The following CGNL1 variants were observed in gnomAD, a reference collection of about 807,000 sequenced individuals.
CGNL1 encodes cingulin-like protein 1.
A neutral mutation model predicts 141.2 loss-of-function variants in CGNL1; 132 were observed. The observed-to-expected ratio is 0.93, with a 90% confidence interval of 0.81 to 1.08. The LOEUF is 1.08. Ranked by LOEUF, CGNL1 falls within the 50% of genes least tolerant of loss-of-function variation. CGNL1 has a pLI of 0.00. For missense variants in CGNL1, 1,870 were observed against 1,588.6 expected, an observed-to-expected ratio of 1.18 and a Z score of -3.01; for synonymous variants, 690 against 622.1, an observed-to-expected ratio of 1.11 and a Z score of -1.63.
intron 4 of CGNL1, among the ~76,000 whole-genome samples, chr15:57,446,665 C>CTTTT (rs11327140): frequency 2.6e-5 from 3 of 116,694 alleles, no homozygotes; most frequent in Non-Finnish European, 3.5e-5. Context: ...CTGAACATTA[C>CTTTT]TTTTTTTTTT....
At chr15:57,526,971 A>C (rs1264204242) in intron 12 of CGNL1, among the ~76,000 whole-genome samples, 1 of 152,174 alleles carries the variant, frequency 6.6e-6, no homozygotes, top group African/African-American at 2.4e-5. Context: ...GTATCATCTC[A>C]TTTGATTCTC....
At chr15:57,378,791 T>G (rs1392901900) in intron 1 of CGNL1, among the ~76,000 whole-genome samples, 1 of 152,216 alleles carries the variant, frequency 6.6e-6, no homozygotes, top group Non-Finnish European at 1.5e-5. Context: ...GAACATTCAT[T>G]TTGAAAAATA....
chr15:57,424,145 G>T (rs1290828965), intron 1 of CGNL1, among the ~76,000 whole-genome samples: 3 of 152,156 alleles, frequency 2.0e-5, no homozygotes, highest in Non-Finnish European at 2.9e-5. Context: ...TCTCCCACTG[G>T]GCTCTGGCCA....
intron 8 of CGNL1, among the ~76,000 whole-genome samples, chr15:57,465,972 C>T (rs2063506706): frequency 6.6e-6 from 1 of 152,176 alleles, no homozygotes; most frequent in Non-Finnish European, 1.5e-5. Flanking sequence ...TTTTAAAGAA[C>T]AGTTTGATTG....
rs575825151 is a variant in CGNL1, at chr15:57,387,368, A to G, written c.-16+10801A>G. Among the ~76,000 whole-genome samples, 8 of 152,234 alleles carry G rather than the reference A, an allele frequency of 5.3e-5. 1 individual carries two copies. The highest frequency in any genetic ancestry group is 1.9e-4 in the East Asian group (1 of 5,182). On this transcript the variant is annotated intron_variant, in intron 1 of 18. Transcript: ENST00000281282. Reference sequence around the variant, plus strand: ...TCTCTGAAGTCATGCCCTGTTTTCAAGTTTTAAACTGTCTTTCTTCATTGA... The same window carrying G: ...TCTCTGAAGTCATGCCCTGTTTTCAGGTTTTAAACTGTCTTTCTTCATTGA...
intron 1 of CGNL1, among the ~76,000 whole-genome samples, chr15:57,400,212 C>A (rs2062644722): frequency 6.6e-6 from 1 of 152,154 alleles, no homozygotes; most frequent in Non-Finnish European, 1.5e-5. Context: ...GTTGGCCAGG[C>A]TGGTCTTGAA....
chr15:57,428,496 A>C (rs1042827362), intron 1 of CGNL1, among the ~76,000 whole-genome samples: 1 of 152,150 alleles, frequency 6.6e-6, no homozygotes, highest in East Asian at 1.9e-4. Context: ...TGTCTGACTC[A>C]GAATCAGTAG....
At chr15:57,527,769 T>C (rs1172444474) in intron 12 of CGNL1, 6 of 152,258 alleles carry the variant, frequency 3.9e-5, no homozygotes, top group African/African-American at 7.2e-5. Context: ...CTTTCCCTAA[T>C]GTGCCTGTGT....
intron 8 of CGNL1, among the ~76,000 whole-genome samples, chr15:57,467,319 C>G (rs147422902): frequency 1.3e-5 from 2 of 152,076 alleles, no homozygotes; most frequent in African/African-American, 4.8e-5. Context: ...CTGGCAATCA[C>G]GAAAGATTTT....
intron 1 of CGNL1, among the ~76,000 whole-genome samples, chr15:57,432,365 G>A (rs1435160695): frequency 6.6e-6 from 1 of 152,166 alleles, no homozygotes; most frequent in Non-Finnish European, 1.5e-5. Flanking sequence ...AACATGTGAT[G>A]GCCCAGAGAG....
intron 1 of CGNL1, among the ~76,000 whole-genome samples, chr15:57,426,915 G>A (rs1020243894): frequency 5.3e-5 from 8 of 152,164 alleles, no homozygotes; most frequent in African/African-American, 1.9e-4. Context: ...AGGGAGCCTG[G>A]GGCAGAAGAT....
chr15:57,441,400 A>G (rs1345665189), intron 3 of CGNL1, among the ~76,000 whole-genome samples: 2 of 151,566 alleles, frequency 1.3e-5, no homozygotes, highest in African/African-American at 4.9e-5. Flanking sequence ...ACAGAGTCTC[A>G]CTCTGTCATC....
rs2062497084 is a variant in CGNL1, at chr15:57,387,556, G to A, written c.-16+10989G>A. On this transcript the variant is annotated intron_variant, in intron 1 of 18. Transcript: ENST00000281282. ...TTCTGTGAAAGAATTAGCAGCAGGA[G>A]CACACATAGGGGCCCTGAGTGGTGC... Among the ~76,000 whole-genome samples the A allele has an allele frequency of 2.0e-5, 3 of 152,306 alleles. No individual in the cohort carries two copies. In the South Asian group the frequency reaches 6.2e-4, roughly 32 times the overall value.
chr15:57,466,563 C>A (rs2063513693), intron 8 of CGNL1, among the ~76,000 whole-genome samples: 1 of 152,240 alleles, frequency 6.6e-6, no homozygotes, highest in East Asian at 1.9e-4. Context: ...GGCAATTTTG[C>A]TCCGGGTTTT....
chr15:57,528,450 C>T (rs1341658190), intron 12 of CGNL1, among the ~76,000 whole-genome samples: 1 of 151,984 alleles, frequency 6.6e-6, no homozygotes, highest in Non-Finnish European at 1.5e-5. Flanking sequence ...TAGGTTGCTG[C>T]CTGTAGCTGG....
rs141873649 is a variant in CGNL1, at chr15:57,488,552, G to T, written c.2403+26660G>T. Among the ~76,000 whole-genome samples, 566 of 152,226 alleles carry T rather than the reference G, an allele frequency of 3.7e-3. 3 individuals carry two copies. Among genetic ancestry groups the T allele is most frequent in the African/African-American group, 0.013 (548 of 41,528 alleles). On this transcript the variant is annotated intron_variant, in intron 8 of 18. Transcript: ENST00000281282. ...AGGGACTGCTTCTACTGAAGGGGGT[G>T]CAAGAGAGAAGACTTAGCCATGTCA...
Position 57,439,162 on chromosome 15 carries a change from G to A in CGNL1, c.1163G>A (p.Ser388Asn). 1 of 1,614,180 alleles carries A rather than the reference G, an allele frequency of 6.2e-7. No individual in the cohort carries two copies. The highest frequency in any genetic ancestry group is 8.5e-7 in the Non-Finnish European group (1 of 1,180,024). ...INTDDRKRSR[S>N]VDSAFPFGLQ... ...ACAGATGACAGGAAAAGATCCAGAAGCGTGGATAGCGCCTTTCCTTTTGGC... is the reference window on the plus strand; with the variant it reads ...ACAGATGACAGGAAAAGATCCAGAAACGTGGATAGCGCCTTTCCTTTTGGC... Residue 388 changes from serine (S) to asparagine (N), a missense_variant, in exon 2 of 19, where the codon AGC becomes AAC. Ser to Asn is a conservative substitution (Grantham distance 46, BLOSUM62 1). Coordinates refer to ENST00000281282, the MANE Select transcript of CGNL1 (RefSeq NM_032866.5).
intron 7 of CGNL1, among the ~76,000 whole-genome samples, chr15:57,460,683 C>T (rs2063434476): frequency 6.6e-6 from 1 of 152,126 alleles, no homozygotes; most frequent in Non-Finnish European, 1.5e-5. Flanking sequence ...CTCATGAGAA[C>T]TCACTATCAC....
intron 13 of CGNL1, among the ~76,000 whole-genome samples, chr15:57,529,885 A>G (rs1369699358): frequency 2.0e-5 from 3 of 152,200 alleles, no homozygotes; most frequent in African/African-American, 7.2e-5. Context: ...ATTTTATTAG[A>G]TGGGCCTCTT....
Sources: gnomAD v4.1 joint callset for allele counts (sites outside exome capture counted in the v4.1 genomes callset) on GRCh38, gnomAD v4.1.1 for gene constraint, MANE v1.5 for transcripts, NCBI Gene and HGNC (gene_info 2026-07-23, HGNC 2026-07-21) for gene names.